Variants in CEMIP2 observed in about 807,000 individuals in gnomAD.
The protein encoded by CEMIP2 is cell migration inducing hyaluronidase 2.
A neutral mutation model predicts 146.9 loss-of-function variants in CEMIP2; 79 were observed. The observed-to-expected ratio is 0.54, with a 90% CI of 0.45 to 0.65. The LOEUF (loss-of-function observed/expected upper bound fraction) is 0.65, where lower values mean the gene tolerates loss of function less well. Ranked by LOEUF, CEMIP2 falls within the 30% of genes least tolerant of loss-of-function variation. The probability of loss-of-function intolerance (pLI) is 0.00; values close to 1 mark genes in which losing one functional copy is unlikely to be tolerated. For synonymous variants in CEMIP2, 601 were observed against 606.3 expected (o/e 0.99, Z 0.13); for missense variants, 1,596 against 1,696.2 (o/e 0.94, Z 1.04).
intron 18 of CEMIP2, among the ~76,000 whole-genome samples, chr9:71,703,227 C>G (rs937857722): frequency 1.3e-5 from 2 of 152,076 alleles, no homozygotes; most frequent in African/African-American, 4.8e-5. Flanking sequence ...ACTTTAGGAG[C>G]TGGAACCAAC....
At chr9:71,695,605 T>G (rs1032821818) in intron 20 of CEMIP2, among the ~76,000 whole-genome samples, 1 of 151,980 alleles carries the variant, frequency 6.6e-6, no homozygotes, top group Non-Finnish European at 1.5e-5. Flanking sequence ...GCCTGGGCGA[T>G]GAAGGTTGCA....
At chr9:71,700,049 G>A (rs1162042948) in intron 19 of CEMIP2, among the ~76,000 whole-genome samples, 1 of 152,182 alleles carries the variant, frequency 6.6e-6, no homozygotes, top group East Asian at 1.9e-4. Flanking sequence ...AAAGGCTGAA[G>A]GAACACGCTA....
chr9:71,745,609 T>C, intron 3 of CEMIP2, 30 bp from the exon 4 acceptor site: 1 of 1,527,668 alleles, frequency 6.5e-7, no homozygotes, highest in East Asian at 2.3e-5. Context: ...GTAAGCCAAC[T>C]TCTAAATCAT....
intron 4 of CEMIP2, among the ~76,000 whole-genome samples, chr9:71,740,779 A>G (rs1263232116): frequency 6.6e-6 from 1 of 152,186 alleles, no homozygotes; most frequent in Non-Finnish European, 1.5e-5. Context: ...GGGTCTTACT[A>G]TGTTTTTAAA....
chr9:71,713,154 T>C (rs1026297692), intron 15 of CEMIP2, among the ~76,000 whole-genome samples: 5 of 152,212 alleles, frequency 3.3e-5, no homozygotes, highest in African/African-American at 9.6e-5. Flanking sequence ...AAATCACATC[T>C]TGTAGCTCCC....
intron 2 of CEMIP2, among the ~76,000 whole-genome samples, chr9:71,747,029 T>C (rs923013407): frequency 3.9e-5 from 6 of 152,216 alleles, no homozygotes; most frequent in Non-Finnish European, 7.3e-5. Flanking sequence ...TATTGACTTG[T>C]AGTGTTCCTT....
intron 16 of CEMIP2, among the ~76,000 whole-genome samples, chr9:71,711,397 A>T (rs1213350209): frequency 1.5e-5 from 2 of 132,102 alleles, no homozygotes; most frequent in African/African-American, 8.1e-5. Flanking sequence ...TTCTCTATTA[A>T]AAAAAAAAAA....
chr9:71,744,532 C>T (rs574967006), intron 4 of CEMIP2, among the ~76,000 whole-genome samples: 1 of 152,180 alleles, frequency 6.6e-6, no homozygotes, highest in African/African-American at 2.4e-5. Context: ...TTCCAATCAG[C>T]CTGCAAAGGA....
chr9:71,689,564 C>T (rs1822166547), intron 22 of CEMIP2, among the ~76,000 whole-genome samples: 1 of 152,214 alleles, frequency 6.6e-6, no homozygotes, highest in Non-Finnish European at 1.5e-5. Flanking sequence ...TCAATTTACT[C>T]TTTTCCAGTC....
chr9:71,720,649 C>G (rs1382101603), intron 12 of CEMIP2, among the ~76,000 whole-genome samples: 1 of 152,142 alleles, frequency 6.6e-6, no homozygotes, highest in Non-Finnish European at 1.5e-5. Flanking sequence ...TCTTCTGGAT[C>G]TTCTAAGCCT....
At chr9:71,694,107 ATTTATTTAT>A (rs1441706961) in intron 21 of CEMIP2, among the ~76,000 whole-genome samples, 1 of 70,090 alleles carries the variant, frequency 1.4e-5, no homozygotes, top group South Asian at 6.1e-4. Context: ...ATTTTTATTT[ATTTATTTAT>A]TTATTTATTT....
At chr9:71,739,138 C>T (rs747919659) in intron 5 of CEMIP2, among the ~76,000 whole-genome samples, 4 of 131,472 alleles carry the variant, frequency 3.0e-5, no homozygotes, top group Non-Finnish European at 7.1e-5. Context: ...ATAACTAGAA[C>T]ATACCATCTT....
At chr9:71,697,398 G>A (rs973078346) in intron 20 of CEMIP2, among the ~76,000 whole-genome samples, 2 of 152,118 alleles carry the variant, frequency 1.3e-5, no homozygotes, top group Admixed American at 6.6e-5. Context: ...CCAGTAGGCG[G>A]CCATCTAATC....
At chr9:71,740,989 C>T (rs558906362) in intron 4 of CEMIP2, among the ~76,000 whole-genome samples, 2 of 152,100 alleles carry the variant, frequency 1.3e-5, no homozygotes, top group Admixed American at 6.6e-5. Context: ...GTTAATGCTG[C>T]TGGTCAGGGC....
At chr9:71,728,928 C>A (rs550739246) in intron 10 of CEMIP2, among the ~76,000 whole-genome samples, 2 of 151,840 alleles carry the variant, frequency 1.3e-5, no homozygotes, top group South Asian at 4.1e-4. Flanking sequence ...ACCTCCTGGG[C>A]TCAAGTATCC....
chr9:71,768,804 C>G (rs983825723), upstream of CEMIP2: 1 of 149,008 alleles, frequency 6.7e-6, no homozygotes, highest in African/African-American at 2.5e-5. Flanking sequence ...CGCTCTTGTC[C>G]CTGGTCGGCG....
At chr9:71,711,775 T>A (rs2131908278) in intron 16 of CEMIP2, among the ~76,000 whole-genome samples, 1 of 152,324 alleles carries the variant, frequency 6.6e-6, no homozygotes, top group Middle Eastern at 3.4e-3. Context: ...CGTATTTCAC[T>A]GAATTTTCCA....
intron 1 of CEMIP2, among the ~76,000 whole-genome samples, chr9:71,752,414 AAAG>A (rs978256309): frequency 1.4e-5 from 2 of 140,190 alleles, no homozygotes; most frequent in African/African-American, 2.7e-5. Context: ...TTTTTGAATT[AAAG>A]AATAAGTTTT....
chr9:71,765,228 G>A (rs1452770426), intron 1 of CEMIP2, among the ~76,000 whole-genome samples: 2 of 152,130 alleles, frequency 1.3e-5, no homozygotes, highest in African/African-American at 4.8e-5. Flanking sequence ...TCTGGAAAGG[G>A]CCAATAAAAT....
Sources: gnomAD v4.1 joint callset for allele counts (sites outside exome capture counted in the v4.1 genomes callset) on GRCh38, gnomAD v4.1.1 for gene constraint, MANE v1.5 for transcripts, NCBI Gene and HGNC (gene_info 2026-07-23, HGNC 2026-07-21) for gene names.